NRDE2: variants seen among roughly 807,000 people sequenced by gnomAD.
NRDE2 encodes NRDE-2, necessary for RNA interference, domain containing.
NRDE2 carries 76 observed loss-of-function variants against 124.2 expected under a neutral mutation model. The ratio of observed to expected loss-of-function variants is 0.61; its 90% CI spans 0.51 to 0.74. NRDE2 has a LOEUF of 0.74. NRDE2 is among the 30% of genes least tolerant of loss of function. The pLI is 0.00. For missense variants in NRDE2, 1,314 were observed against 1,417.3 expected, an observed-to-expected ratio of 0.93 and a Z score of 1.17; for synonymous variants, 489 against 528.1, an observed-to-expected ratio of 0.93 and a Z score of 1.01.
At chr14:90,311,752 AC>A (rs1221280772) in intron 4 of NRDE2, among the ~76,000 whole-genome samples, 1 of 152,078 alleles carries the variant, frequency 6.6e-6, no homozygotes, top group Non-Finnish European at 1.5e-5. Flanking sequence ...ATACACTAAT[AC>A]TAATGATAGC....
chr14:90,320,569 C>T (rs941324087), intron 1 of NRDE2, among the ~76,000 whole-genome samples: 1 of 152,138 alleles, frequency 6.6e-6, no homozygotes, highest in Non-Finnish European at 1.5e-5. Flanking sequence ...GGAGGAGATA[C>T]CATAATGTAT....
At chr14:90,330,273 C>T (rs1300720202) in intron 1 of NRDE2, among the ~76,000 whole-genome samples, 2 of 142,858 alleles carry the variant, frequency 1.4e-5, no homozygotes, top group Non-Finnish European at 3.1e-5. Flanking sequence ...CCTATGGTAT[C>T]TGTAATATCC....
chr14:90,281,569 A>G (rs949655641), intron 12 of NRDE2: 9 of 152,120 alleles, frequency 5.9e-5, no homozygotes, highest in African/African-American at 1.9e-4. Context: ...TAGAGAAGCT[A>G]TTTGGTGCTT....
intron 1 of NRDE2, among the ~76,000 whole-genome samples, chr14:90,318,422 CCA>C (rs1436785882): frequency 6.6e-6 from 1 of 152,224 alleles, no homozygotes; most frequent in Non-Finnish European, 1.5e-5. Context: ...TTCCATCCAT[CCA>C]CACTGTCTAA....
At position 90,278,291 on chromosome 14, in the gene NRDE2, TG is replaced by T; in HGVS notation, c.*44del. 1 of 1,612,780 alleles carries T rather than the reference TG, an allele frequency of 6.2e-7. No individual in the cohort carries two copies. The highest frequency in any genetic ancestry group is 1.7e-5 in the Admixed American group (1 of 60,008). ...GCTCGCGCCTCCTAGCTCCGCAGGG[TG>T]GGCAACTTGGCCTCGCAGGCACAGC... is the stretch of plus-strand genomic sequence containing the variant. On this transcript the variant is annotated 3_prime_UTR_variant, in exon 14 of 14. Transcript: ENST00000354366.
chr14:90,301,638 A>C (rs1263915326), intron 6 of NRDE2: 5 of 446,770 alleles, frequency 1.1e-5, no homozygotes, highest in Non-Finnish European at 2.1e-5. Flanking sequence ...AAAATAAGTC[A>C]AGAGGTTGGT....
chr14:90,276,261 C>T lies in NRDE2; in HGVS notation c.*2075G>A, dbSNP rs1397443169. ...CGAGACGGAGTCTTGCTGTGTCGCC[C>T]AGGCTGGAGTGCAGTGGCGCGATCT... On this transcript the variant is annotated 3_prime_UTR_variant, in exon 14 of 14. Transcript: ENST00000354366. 2 of 149,486 alleles carry T rather than the reference C, an allele frequency of 1.3e-5. No homozygotes were observed. The highest frequency in any genetic ancestry group is 3.0e-5 in the Non-Finnish European group (2 of 67,716). 9.3% of individuals were successfully genotyped at this position (149,486 alleles called of 1,614,324 possible). A position where few individuals can be genotyped will look rare whatever the true frequency, so the allele number is the denominator to read the frequency against.
rs116499899 is a variant in NRDE2 at position 90,274,409 on chromosome 14, G to T, written c.*3927C>A. ...GGCAGTCAGGCAGGTAAACAGGACA[G>T]TGGGAGCCAGGTTTCTCTGAGGAGT... On this transcript the variant is annotated 3_prime_UTR_variant, in exon 14 of 14. Coordinates refer to ENST00000354366, the MANE Select transcript of NRDE2 (RefSeq NM_017970.4). 7.4e-3 allele frequency: 1,146 copies of T among 154,146 alleles called. 10 individuals are homozygous for T. Among genetic ancestry groups the T allele is most frequent in the African/African-American group, 0.027 (1,103 of 41,504 alleles). 9.5% of individuals were successfully genotyped at this position (154,146 alleles called of 1,614,324 possible). A position where few individuals can be genotyped will look rare whatever the true frequency, so the allele number is the denominator to read the frequency against.
intron 6 of NRDE2, chr14:90,301,758 A>G (rs1460920627): frequency 4.4e-6 from 2 of 456,620 alleles, no homozygotes; most frequent in South Asian, 1.5e-5. Context: ...GTTGATCACT[A>G]GATGGCATTA....
Position 90,298,395 on chromosome 14 carries a change from G to A in NRDE2, c.1546-15C>T. On this transcript the variant is annotated splice_polypyrimidine_tract_variant and intron_variant, in intron 7 of 13. Coordinates refer to ENST00000354366, the MANE Select transcript of NRDE2 (RefSeq NM_017970.4). ...AAGAATTCCACCTGTTCAGATTTTA[G>A]AATGGACGTTAGACCTCACTTGTAT... 1 of 1,613,624 alleles carries A rather than the reference G, an allele frequency of 6.2e-7. No individual in the cohort carries two copies. The highest frequency in any genetic ancestry group is 8.5e-7 in the Non-Finnish European group (1 of 1,179,968).
Position 90,304,095 on chromosome 14 carries a change from C to G in NRDE2, c.845G>C (p.Trp282Ser). The G allele has an allele frequency of 1.2e-6, 2 of 1,614,180 alleles. No individual in the cohort carries two copies. Among genetic ancestry groups the G allele is most frequent in the Non-Finnish European group, 1.7e-6 (2 of 1,180,032 alleles). ...CTCTGGAGGACCCTGTCCTTGTAGCCAATGTGTGGTTGACTGATCATAAAT... is the reference window on the plus strand; with the variant it reads ...CTCTGGAGGACCCTGTCCTTGTAGCGAATGTGTGGTTGACTGATCATAAAT... ...LGIYDQSTTH[W>S]LQGQGPPEQE... Residue 282 changes from tryptophan (W) to serine (S), a missense_variant, in exon 5 of 14, where the codon TGG (tryptophan) becomes TCG (serine). Physicochemically the swap from Trp to Ser is radical, Grantham distance 177 (BLOSUM62 -3). Coordinates refer to ENST00000354366, the MANE Select transcript of NRDE2 (RefSeq NM_017970.4).
At chr14:90,293,578 T>C (rs1383033223) in intron 8 of NRDE2, among the ~76,000 whole-genome samples, 1 of 152,228 alleles carries the variant, frequency 6.6e-6, no homozygotes, top group East Asian at 1.9e-4. Flanking sequence ...TAATTTTAAA[T>C]AGCCACATGT....
intron 1 of NRDE2, among the ~76,000 whole-genome samples, chr14:90,326,222 C>T (rs1204762592): frequency 2.6e-5 from 4 of 152,104 alleles, no homozygotes; most frequent in African/African-American, 4.8e-5. Context: ...AGGCCGGGCG[C>T]GGTGGCTCAC....
Position 90,298,352 on chromosome 14 carries a change from C to T in NRDE2, c.1574G>A (p.Ser525Asn), listed in dbSNP as rs766185250. 5 of 1,613,834 alleles carry T rather than the reference C, an allele frequency of 3.1e-6. No homozygotes were observed. Among genetic ancestry groups the T allele is most frequent in the Non-Finnish European group, 4.2e-6 (5 of 1,180,008 alleles). ...CTTCTCCCCAGCCCGGGGCTCTCCA[C>T]TGTCCCAAAAGGGTTCAAAGAATTC... ...QVEFFEPFWD[S>N]GEPRAGEKGA... The change falls in exon 8 of 14, where the codon AGT becomes AAT. Residue 525 changes from serine to asparagine, a missense_variant. Coordinates refer to ENST00000354366, the MANE Select transcript of NRDE2 (RefSeq NM_017970.4).
intron 1 of NRDE2, among the ~76,000 whole-genome samples, chr14:90,323,617 C>A (rs921314780): frequency 3.9e-5 from 6 of 152,136 alleles, no homozygotes; most frequent in Admixed American, 6.5e-5. Flanking sequence ...CCTATTTATA[C>A]AAAAAGCACC....
chr14:90,272,298 T>C lies in NRDE2; in HGVS notation c.*6038A>G, dbSNP rs1423055389. 15 of 1,604,268 alleles carry C rather than the reference T, an allele frequency of 9.4e-6. No individual in the cohort carries two copies. The highest frequency in any genetic ancestry group is 1.3e-5 in the African/African-American group (1 of 74,208). ...GCAATCTGTACAGAAGCTGGTCTGA[T>C]GGCCTTAAGAGAACGTAGAATGAAA... is the stretch of plus-strand genomic sequence containing the variant. On this transcript the variant is annotated 3_prime_UTR_variant, in exon 14 of 14. Coordinates refer to ENST00000354366, the MANE Select transcript of NRDE2 (RefSeq NM_017970.4). This position sits in a 1 kb window ranked among gnomAD's most constrained non-coding sequence, Gnocchi z 4.5.
In NRDE2 at chr14:90,277,788, G is replaced by C. The variant is rs78967688; in HGVS notation, c.*548C>G. The C allele has an allele frequency of 0.017, 2,668 of 152,682 alleles. 80 individuals are homozygous for C. Among genetic ancestry groups the C allele is most frequent in the African/African-American group, 0.061 (2,528 of 41,572 alleles). The allele number at this position is 152,682 out of a possible 1,614,324, so 9.5% of individuals were successfully genotyped here. The stretch of plus-strand genomic sequence containing the variant: ...AGGGCACGCTGCCCCTCCAGCTCCA[G>C]GCGGAGGCATCGCCGCCGAGGTAAA... On this transcript the variant is annotated 3_prime_UTR_variant, in exon 14 of 14. Transcript: ENST00000354366.
chr14:90,331,746 G>T, intron 1 of NRDE2, 95 bp downstream of exon 1: 1 of 1,345,772 alleles, frequency 7.4e-7, no homozygotes, highest in Non-Finnish European at 1.1e-6. Context: ...GGATACAAAT[G>T]GATACACAAA....
chr14:90,289,233 A>G lies in NRDE2; in HGVS notation c.2230-88T>C, dbSNP rs1892203866. The G allele has an allele frequency of 2.7e-6, 3 of 1,097,078 alleles. No homozygotes were observed. In the South Asian group the frequency reaches 4.7e-5, roughly 17 times the overall value. The allele number at this position is 1,097,078 out of a possible 1,614,324, so 68.0% of individuals were successfully genotyped here. ...ACTGTAGAAAGCACTGACAGGAAAA[A>G]AGGCGTCTACGCTTCCTCCCTTTAT... On this transcript the variant is annotated intron_variant, in intron 10 of 13. Coordinates refer to ENST00000354366, the MANE Select transcript of NRDE2 (RefSeq NM_017970.4).
Sources: gnomAD v4.1 joint callset for allele counts (sites outside exome capture counted in the v4.1 genomes callset) on GRCh38, gnomAD v4.1.1 for gene constraint, Gnocchi (gnomAD v3.1) non-coding constraint, MANE v1.5 for transcripts, NCBI Gene and HGNC (gene_info 2026-07-23, HGNC 2026-07-21) for gene names.